C3orf62: variants seen among roughly 807,000 people sequenced by gnomAD.
C3orf62 encodes the protein chromosome 3 open reading frame 62, also known as uncharacterized protein C3orf62.
In C3orf62, 16 loss-of-function variants were observed where a neutral mutation model predicts 21.7. The ratio of observed to expected loss-of-function variants is 0.74; its 90% CI spans 0.50 to 1.12. The LOEUF (loss-of-function observed/expected upper bound fraction) is 1.12, where lower values mean the gene tolerates loss of function less well. Among genes scored for constraint, C3orf62 ranks in the 50% most tolerant of loss-of-function variants. The pLI, the probability that C3orf62 is intolerant of heterozygous loss-of-function variation, is 0.00. For synonymous variants in C3orf62, 114 were observed against 117.0 expected, an observed-to-expected ratio of 0.97 and a Z score of 0.17; for missense variants, 310 against 318.8, an observed-to-expected ratio of 0.97 and a Z score of 0.21.
chr3:49,271,419 C>A lies in C3orf62; in HGVS notation c.565G>T (p.Glu189Ter), dbSNP rs1238697922. Residue 189 changes from glutamate (E) to a stop codon, truncating the protein, a stop_gained, in exon 3 of 3, where the codon GAA (glutamate) becomes TAA (stop). Transcript: ENST00000343010. LOFTEE classifies it high-confidence loss of function. ...IDHTSIRTIEELAGKIEFENE... is the reference protein window; with the variant it reads ...IDHTSIRTIE ...TCAAATTCTATTTTTCCAGCCAATT[C>A]TTCAATAGTTCGGATGCTTGTATGG... 6.2e-7 allele frequency: 1 copy of A among 1,614,102 alleles called. No individual in the cohort carries two copies. Among genetic ancestry groups the A allele is most frequent in the Non-Finnish European group, 8.5e-7 (1 of 1,179,978 alleles).
chr3:49,275,523 T>TTTTTTG (rs2046948487), intron 1 of C3orf62, among the ~76,000 whole-genome samples: 1 of 84,452 alleles, frequency 1.2e-5, no homozygotes, highest in Non-Finnish European at 2.5e-5. Context: ...TTTGAAGTTT[T>TTTTTTG]TTTTTTTTTT....
intron 1 of C3orf62, 84 bp from the exon 2 acceptor site, chr3:49,274,224 A>G (rs1559459586): frequency 9.2e-7 from 1 of 1,083,172 alleles, no homozygotes; most frequent in East Asian, 2.4e-5. Flanking sequence ...TCAGTTTTAG[A>G]TAATCTCAAA....
At chr3:49,276,082 A>G (rs1024668022) in intron 1 of C3orf62, among the ~76,000 whole-genome samples, 10 of 152,162 alleles carry the variant, frequency 6.6e-5, no homozygotes, top group African/African-American at 2.4e-4. Flanking sequence ...ACAGGAGTTA[A>G]GATGGAATTA....
chr3:49,276,386 C>A, intron 1 of C3orf62, 41 bp downstream of exon 1: 1 of 1,558,760 alleles, frequency 6.4e-7, no homozygotes, highest in Non-Finnish European at 8.7e-7. Context: ...AAACAAGAAT[C>A]CCCTTAATTG....
rs1194141796 is a variant in C3orf62 at position 49,276,712 on chromosome 3, A to G, written c.161T>C (p.Leu54Pro). Residue 54 changes from leucine (L) to proline (P), a missense_variant, in exon 1 of 3, where the codon CTC becomes CCC. Coordinates refer to ENST00000343010, the MANE Select transcript of C3orf62 (RefSeq NM_198562.3). ...CCTGTGCACGGGCAGCGAGAAGGAG[A>G]GCGGCGCGGCGCTCAGTTCCAGCCT... ...QQRLELSAAP[L>P]SFSLPVHRLL... The G allele has an allele frequency of 6.2e-7, 1 of 1,614,122 alleles. No homozygotes were observed. Among genetic ancestry groups the G allele is most frequent in the Non-Finnish European group, 8.5e-7 (1 of 1,180,022 alleles).
Position 49,271,227 on chromosome 3 carries a change from C to G in C3orf62, c.757G>C (p.Glu253Gln), listed in dbSNP as rs1312140859. The change falls in exon 3 of 3, where the codon GAA becomes CAA. Residue 253 changes from glutamate (E) to glutamine (Q), a missense_variant. Coordinates refer to ENST00000343010, the MANE Select transcript of C3orf62 (RefSeq NM_198562.3). ...GACGTCATCACATTGTAGTCCTCTTCCAAGTCCAGAACAGTCTCAACAATA... is the reference window on the plus strand; with the variant it reads ...GACGTCATCACATTGTAGTCCTCTTGCAAGTCCAGAACAGTCTCAACAATA... Reference protein sequence around the residue: ...HNIVETVLDLEEDYNVMTSFK... With the variant: ...HNIVETVLDLQEDYNVMTSFK... 6.2e-7 allele frequency: 1 copy of G among 1,613,946 alleles called. No individual in the cohort carries two copies. Among genetic ancestry groups the G allele is most frequent in the Non-Finnish European group, 8.5e-7 (1 of 1,180,022 alleles).
chr3:49,277,157 CG>C lies in C3orf62; in HGVS notation c.-286del. The C allele has an allele frequency of 7.1e-7, 1 of 1,418,176 alleles. No individual in the cohort carries two copies. Among genetic ancestry groups the C allele is most frequent in the Non-Finnish European group, 9.3e-7 (1 of 1,071,400 alleles). The allele number at this position is 1,418,176 out of a possible 1,614,324, so 87.8% of individuals were successfully genotyped here. On this transcript the variant is annotated 5_prime_UTR_variant, in exon 1 of 3. The change abolishes the stop of an existing upstream ORF in the 5' untranslated region. Transcript: ENST00000343010. The stretch of plus-strand genomic sequence containing the variant: ...GGCCCTACCGGCACCCCCCCTTTGG[CG>C]AGTCGGCAGCCACGTCCTTGTCCTC...
At chr3:49,272,613 C>T (rs1241325970) in intron 2 of C3orf62, among the ~76,000 whole-genome samples, 3 of 128,376 alleles carry the variant, frequency 2.3e-5, no homozygotes, top group Admixed American at 1.0e-4. Flanking sequence ...GGTGCGATCT[C>T]GGCTCACTGC....
chr3:49,277,161 TC>T lies in C3orf62; in HGVS notation c.-290del. 1 of 1,412,844 alleles carries T rather than the reference TC, an allele frequency of 7.1e-7. No homozygotes were observed. Among genetic ancestry groups the T allele is most frequent in the Non-Finnish European group, 9.4e-7 (1 of 1,068,374 alleles). 87.5% of individuals were successfully genotyped at this position (1,412,844 alleles called of 1,614,324 possible). ...CTACCGGCACCCCCCCTTTGGCGAG[TC>T]GGCAGCCACGTCCTTGTCCTCACCC... On this transcript the variant is annotated 5_prime_UTR_variant, in exon 1 of 3. The change abolishes the stop of an existing upstream ORF in the 5' untranslated region. Coordinates refer to ENST00000343010, the MANE Select transcript of C3orf62 (RefSeq NM_198562.3).
At chr3:49,274,187 T>C (rs2046934183) in intron 1 of C3orf62, 47 bp from the exon 2 acceptor site, 1 of 1,420,698 alleles carries the variant, frequency 7.0e-7, no homozygotes, top group East Asian at 2.3e-5. Context: ...AATTAGATTC[T>C]CTTTCAAGAA....
rs17855113 is a variant in C3orf62, at chr3:49,276,663, C to A, written c.210G>T (p.Leu70=). The change falls in exon 1 of 3, where the codon CTG becomes CTT. Residue 70 remains leucine, a synonymous_variant. Transcript: ENST00000343010. ...AAGGAGCAGCAGAAGAGCAGGCTGC[C>A]AGAGGATGTCTTCTGCAGAGGAGCC... ...VHRLLCRRHP[L]AACSSAAPFA... The A allele has an allele frequency of 6.2e-7, 1 of 1,614,180 alleles. No homozygotes were observed. Among genetic ancestry groups the A allele is most frequent in the Non-Finnish European group, 8.5e-7 (1 of 1,180,016 alleles).
chr3:49,272,974 C>T lies in C3orf62; in HGVS notation c.538+1075G>A, dbSNP rs142299266. Among the ~76,000 whole-genome samples, 763 of 152,286 alleles carry T rather than the reference C, an allele frequency of 5.0e-3. 8 individuals carry two copies. Among genetic ancestry groups the T allele is most frequent in the African/African-American group, 0.017 (726 of 41,562 alleles). On this transcript the variant is annotated intron_variant, in intron 2 of 2. Transcript: ENST00000343010. ...CCTAGTGGCCACCATCCCTTGCCTT[C>T]AGGGACTCAGTGCATCTAAACATTG... is the stretch of plus-strand genomic sequence containing the variant.
chr3:49,274,212 AC>A, intron 1 of C3orf62, 72 bp from the exon 2 acceptor site: 2 of 1,193,176 alleles, frequency 1.7e-6, no homozygotes, highest in East Asian at 4.7e-5. Flanking sequence ...TTGAAGGGAA[AC>A]TCAGTTTTAG....
intron 1 of C3orf62, among the ~76,000 whole-genome samples, chr3:49,275,138 G>T (rs1489350092): frequency 6.7e-6 from 1 of 150,372 alleles, no homozygotes; most frequent in Non-Finnish European, 1.5e-5. Flanking sequence ...TTTTAAGATG[G>T]AGTCTTGCTC....
At chr3:49,272,614 G>T (rs1007082642) in intron 2 of C3orf62, among the ~76,000 whole-genome samples, 2 of 126,384 alleles carry the variant, frequency 1.6e-5, no homozygotes, top group Non-Finnish European at 3.1e-5. Flanking sequence ...GTGCGATCTC[G>T]GCTCACTGCA....
Position 49,276,898 on chromosome 3 carries a change from A to G in C3orf62, c.-26T>C. Reference sequence around the variant, plus strand: ...TGGAAATGCACAGGACAACACAATAATGTTACAAATGAGGCTGCAAACTAC... The same window carrying G: ...TGGAAATGCACAGGACAACACAATAGTGTTACAAATGAGGCTGCAAACTAC... On this transcript the variant is annotated 5_prime_UTR_variant, in exon 1 of 3. Transcript: ENST00000343010. 1 of 1,582,202 alleles carries G rather than the reference A, an allele frequency of 6.3e-7. No homozygotes were observed. The highest frequency in any genetic ancestry group is 1.2e-5 in the South Asian group (1 of 86,912).
rs760534786 is a variant in C3orf62, at chr3:49,276,636, A to AT, written c.236_237insA (p.Phe79LeufsTer9). On this transcript the variant is annotated frameshift_variant, in exon 1 of 3. Transcript: ENST00000343010. LOFTEE classifies it high-confidence loss of function. ...TCTCAGGAGCACATGGGACAGCAGC[A>AT]AAAGGAGCAGCAGAAGAGCAGGCTG... 1 of 1,614,214 alleles carries AT rather than the reference A, an allele frequency of 6.2e-7. No individual in the cohort carries two copies.
intron 1 of C3orf62, among the ~76,000 whole-genome samples, chr3:49,274,896 C>G (rs1200581097): frequency 6.6e-6 from 1 of 151,228 alleles, no homozygotes; most frequent in Non-Finnish European, 1.5e-5. Context: ...TTCGGCTCAT[C>G]GCAACCTCCT....
Position 49,276,841 on chromosome 3 carries a change from C to A in C3orf62, c.32G>T (p.Gly11Val). 4 of 1,613,148 alleles carry A rather than the reference C, an allele frequency of 2.5e-6. No individual in the cohort carries two copies. Among genetic ancestry groups the A allele is most frequent in the Non-Finnish European group, 3.4e-6 (4 of 1,179,824 alleles). Residue 11 changes from glycine to valine, a missense_variant, in exon 1 of 3, where the codon GGA (glycine) becomes GTA (valine). Gly to Val is a moderately radical substitution (Grantham distance 109). Transcript: ENST00000343010. Reference sequence around the variant, plus strand: ...TCTTCTTAGTTTTTCAGACATTTCTCCTAAAAGCGACCATGTCTTTATGTA... The same window carrying A: ...TCTTCTTAGTTTTTCAGACATTTCTACTAAAAGCGACCATGTCTTTATGTA... MHYIKTWSLL[G>V]EMSEKLRRCR... is the part of the protein sequence containing the mutation.
Sources: allele counts gnomAD v4.1 joint callset (sites outside exome capture counted in the v4.1 genomes callset), GRCh38; gene constraint gnomAD v4.1.1; transcripts MANE v1.5; gene names NCBI Gene and HGNC (gene_info 2026-07-23, HGNC 2026-07-21).